The following BRWD3 variants were observed in gnomAD, a reference collection of about 807,000 sequenced individuals.
The protein encoded by BRWD3 is bromodomain and WD repeat domain containing 3, also known as bromodomain and WD repeat-containing protein 3.
A neutral mutation model predicts 149.7 loss-of-function variants in BRWD3; 10 were observed. That is an observed-to-expected ratio of 0.07 (90% confidence interval 0.04 to 0.11). The LOEUF is 0.11. BRWD3 is among the 10% of genes least tolerant of loss of function. The pLI, the probability that BRWD3 is intolerant of heterozygous loss-of-function variation, is 1.00. For missense variants in BRWD3, 940 were observed against 1,373.2 expected (o/e 0.68, Z 4.99); for synonymous variants, 504 against 456.7 (o/e 1.10, Z -1.32).
At chrX:80,725,707 TATATAAC>T (rs1255606582) in intron 14 of BRWD3, among the ~76,000 whole-genome samples, 2 of 110,449 alleles carry the variant, frequency 1.8e-5, no homozygotes, top group Non-Finnish European at 1.9e-5. Flanking sequence ...GTTACATGCC[TATATAAC>T]ATATAACATG....
intron 15 of BRWD3, 96 bp downstream of exon 15, chrX:80,724,837 G>A: frequency 1.0e-6 from 1 of 966,527 alleles, no homozygotes; most frequent in East Asian, 3.1e-5. Flanking sequence ...CATATGACAA[G>A]AGGTTCCTCT....
intron 6 of BRWD3, among the ~76,000 whole-genome samples, chrX:80,754,331 T>C (rs764924574): frequency 8.9e-6 from 1 of 112,141 alleles, no homozygotes; most frequent in South Asian, 3.7e-4. Context: ...ACAGAAATGC[T>C]ACTAATTTTT....
chrX:80,741,091 G>C (rs1024173003), intron 8 of BRWD3, among the ~76,000 whole-genome samples: 26 of 109,220 alleles, frequency 2.4e-4, no homozygotes, highest in Middle Eastern at 9.3e-3. Flanking sequence ...CCTGGTGTGT[G>C]ATGTTCCCCT....
chrX:80,684,262 C>T (rs1329679595), intron 36 of BRWD3, 100 bp from the exon 37 acceptor site: 1 of 778,677 alleles, frequency 1.3e-6, no homozygotes, highest in South Asian at 2.4e-5. Flanking sequence ...ATGAAATAAA[C>T]ACATTGCTTT....
At chrX:80,783,829 A>T (rs148682378) in intron 6 of BRWD3, among the ~76,000 whole-genome samples, 1,602 of 111,966 alleles carry the variant, frequency 0.014, 15 homozygotes, top group Non-Finnish European at 0.023. Context: ...GCACAGAAAG[A>T]CAAACTTTAC....
Position 80,707,266 on chromosome X carries a change from T to C in BRWD3, c.2552+161A>G, listed in dbSNP as rs146703990. ...GGCCCACAGTGACGTCAGAAAGGTA[T>C]TGGGAGAGCCAGGATCACATCAGGT... On this transcript the variant is annotated intron_variant, in intron 22 of 40. Transcript: ENST00000373275. 0.017 allele frequency among the ~76,000 whole-genome samples: 1,880 copies of C among 113,247 alleles called. 17 individuals are homozygous for C. Among genetic ancestry groups the C allele is most frequent in the Non-Finnish European group, 0.026 (1,415 of 53,408 alleles).
chrX:80,763,485 C>T (rs1202248779), intron 6 of BRWD3, among the ~76,000 whole-genome samples: 1 of 111,464 alleles, frequency 9.0e-6, no homozygotes, highest in African/African-American at 3.3e-5. Context: ...ATAGAATAGG[C>T]CCTAAGAAGA....
At chrX:80,724,911 G>A in intron 15 of BRWD3, 22 bp downstream of exon 15, 18 of 1,208,398 alleles carry the variant, frequency 1.5e-5, no homozygotes, top group Non-Finnish European at 2.0e-5. Flanking sequence ...ATGTGAACTA[G>A]ATACAGGTAG....
chrX:80,716,710 T>C (rs2073078067), intron 19 of BRWD3, among the ~76,000 whole-genome samples: 1 of 112,375 alleles, frequency 8.9e-6, no homozygotes, highest in Non-Finnish European at 1.9e-5. Flanking sequence ...TTTGTTTATC[T>C]ATTCATCTGT....
chrX:80,794,384 A>G (rs1488668791), intron 4 of BRWD3, among the ~76,000 whole-genome samples: 1 of 107,854 alleles, frequency 9.3e-6, no homozygotes, highest in Non-Finnish European at 1.9e-5. Context: ...CTGCACCTCT[A>G]ATCTCAGCTA....
intron 6 of BRWD3, among the ~76,000 whole-genome samples, chrX:80,775,765 C>T (rs1032424107): frequency 3.6e-5 from 4 of 111,993 alleles, no homozygotes; most frequent in African/African-American, 1.3e-4. Flanking sequence ...AACACAAACA[C>T]TGAATTTTTA....
intron 26 of BRWD3, 47 bp downstream of exon 26, chrX:80,696,692 T>C (rs2072704314): frequency 1.7e-6 from 2 of 1,180,381 alleles, no homozygotes; most frequent in African/African-American, 1.8e-5. Context: ...ATACAATAGG[T>C]ATTAAAATAC....
intron 40 of BRWD3, 85 bp from the exon 41 acceptor site, chrX:80,677,448 C>T: frequency 9.1e-7 from 1 of 1,096,580 alleles, no homozygotes; most frequent in Non-Finnish European, 1.2e-6. Flanking sequence ...CTACAGTTCC[C>T]AAAAATATGT....
Position 80,809,573 on chromosome X carries a change from C to T in BRWD3, c.-102G>A. ...GTGAAGCCCCCATGCCCGGGAGTCCCGCCGCTTCCGCCGCACTCCTCGTCC... is the reference window on the plus strand; with the variant it reads ...GTGAAGCCCCCATGCCCGGGAGTCCTGCCGCTTCCGCCGCACTCCTCGTCC... On this transcript the variant is annotated 5_prime_UTR_variant, in exon 1 of 41. Coordinates refer to ENST00000373275, the MANE Select transcript of BRWD3 (RefSeq NM_153252.5). The T allele has an allele frequency of 2.1e-6, 1 of 483,850 alleles. No homozygotes were observed. 39.9% of individuals were successfully genotyped at this position (483,850 alleles called of 1,213,427 possible).
intron 24 of BRWD3, among the ~76,000 whole-genome samples, chrX:80,701,666 T>C (rs2072792938): frequency 9.2e-6 from 1 of 108,557 alleles, no homozygotes; most frequent in South Asian, 4.0e-4. Flanking sequence ...CAATCAATAC[T>C]AGGTCAGAAT....
At chrX:80,752,632 T>G (rs1425757575) in intron 6 of BRWD3, among the ~76,000 whole-genome samples, 2 of 112,036 alleles carry the variant, frequency 1.8e-5, no homozygotes, top group African/African-American at 6.5e-5. Context: ...TGGTTTTAAT[T>G]TAAATTTCTG....
At chrX:80,725,125 T>TA (rs910744335) in intron 14 of BRWD3, 58 bp from the exon 15 acceptor site, 1 of 1,123,710 alleles carries the variant, frequency 8.9e-7, no homozygotes, top group African/African-American at 1.8e-5. Context: ...GTTCATTTGG[T>TA]AAAAAGGTCT....
Position 80,766,688 on chromosome X carries a change from G to A in BRWD3, c.431-20959C>T, listed in dbSNP as rs899325355. Among the ~76,000 whole-genome samples, 3 of 111,868 alleles carry A rather than the reference G, an allele frequency of 2.7e-5. No homozygotes were observed. In the Admixed American group the frequency reaches 2.8e-4, roughly 11 times the overall value. ...ACAGCTCCGGTCTGCAGCTCCCAGC[G>A]TGATCGATGCAGAAGATGGGTGATT... On this transcript the variant is annotated intron_variant, in intron 6 of 40. Transcript: ENST00000373275.
At chrX:80,789,993 T>G (rs1372405874) in intron 6 of BRWD3, among the ~76,000 whole-genome samples, 1 of 106,700 alleles carries the variant, frequency 9.4e-6, no homozygotes, top group Non-Finnish European at 1.9e-5. Context: ...AGCCTGGCCA[T>G]CATGATGAAG....
Sources: gnomAD v4.1 joint callset for allele counts (sites outside exome capture counted in the v4.1 genomes callset) on GRCh38, gnomAD v4.1.1 for gene constraint, MANE v1.5 for transcripts, NCBI Gene and HGNC (gene_info 2026-07-23, HGNC 2026-07-21) for gene names.